Variants in NPAS3 observed in about 807,000 individuals in gnomAD.
NPAS3 encodes the protein neuronal PAS domain protein 3, also known as neuronal PAS domain-containing protein 3.
In NPAS3, 14 loss-of-function variants were observed where a neutral mutation model predicts 73.1. The ratio of observed to expected loss-of-function variants is 0.19; its 90% confidence interval spans 0.13 to 0.30. NPAS3 has a LOEUF of 0.30. Among genes scored for constraint, NPAS3 ranks in the 10% least tolerant of loss-of-function variants. The pLI, the probability that NPAS3 is intolerant of heterozygous loss-of-function variation, is 1.00. For missense variants in NPAS3, 1,096 were observed against 1,250.0 expected (o/e 0.88, Z 1.86); for synonymous variants, 620 against 541.5 (o/e 1.14, Z -2.01).
At chr14:33,236,667 A>G (rs981869531) in intron 3 of NPAS3, among the ~76,000 whole-genome samples, 1 of 151,800 alleles carries the variant, frequency 6.6e-6, no homozygotes, top group East Asian at 1.9e-4. Flanking sequence ...TTTGAAGTCA[A>G]CTCCCTGTGA....
intron 5 of NPAS3, among the ~76,000 whole-genome samples, chr14:33,598,070 T>G (rs1015255595): frequency 6.6e-6 from 1 of 152,176 alleles, no homozygotes; most frequent in Non-Finnish European, 1.5e-5. Context: ...ATTTCATGAG[T>G]GGATAGGAAG....
At chr14:33,254,987 C>G (rs1352690524) in intron 3 of NPAS3, among the ~76,000 whole-genome samples, 2 of 152,072 alleles carry the variant, frequency 1.3e-5, no homozygotes, top group East Asian at 3.9e-4. Context: ...TGCAGACTGA[C>G]CCAGTCTTAC....
chr14:33,648,616 G>A lies in NPAS3; in HGVS notation c.559-27595G>A, dbSNP rs548075803. ...TGCCATAGTTTGGCTTACAGGGACA[G>A]CACAAAAAGTATTTCTATCCTCTGG... On this transcript the variant is annotated intron_variant, in intron 5 of 11. Transcript: ENST00000356141. Among the ~76,000 whole-genome samples, 4 of 152,272 alleles carry A rather than the reference G, an allele frequency of 2.6e-5. No homozygotes were observed. In the East Asian group the frequency reaches 5.8e-4, roughly 22 times the overall value.
rs924908449 is a variant in NPAS3, at chr14:33,107,382, C to T, written c.140+51388C>T. Among the ~76,000 whole-genome samples the T allele has an allele frequency of 2.7e-4, 41 of 151,630 alleles. 2 individuals carry two copies. Among genetic ancestry groups the T allele is most frequent in the Admixed American group, 2.2e-3 (33 of 15,206 alleles). On this transcript the variant is annotated intron_variant, in intron 2 of 11. Coordinates refer to ENST00000356141, the Ensembl canonical transcript of NPAS3. ...GGTAGTGAGCATAGTACTCAACAGG[C>T]GGTTTTTCAACCCTTACCCTCTTCC...
At chr14:33,671,894 A>G (rs2059618945) in intron 5 of NPAS3, among the ~76,000 whole-genome samples, 1 of 152,128 alleles carries the variant, frequency 6.6e-6, no homozygotes, top group Admixed American at 6.5e-5. Flanking sequence ...ATTTGCACTA[A>G]TCAGAAGAAC....
intron 1 of NPAS3, among the ~76,000 whole-genome samples, chr14:33,002,092 C>T (rs544102862): frequency 1.3e-5 from 2 of 152,328 alleles, no homozygotes; most frequent in East Asian, 3.9e-4. Context: ...AACACATTGT[C>T]TCCCAGTAAT....
At chr14:33,660,860 C>A (rs2059284955) in intron 5 of NPAS3, among the ~76,000 whole-genome samples, 1 of 152,154 alleles carries the variant, frequency 6.6e-6, no homozygotes, top group Non-Finnish European at 1.5e-5. Context: ...TACCAGCAAG[C>A]CCAGGACTTC....
intron 1 of NPAS3, among the ~76,000 whole-genome samples, chr14:32,944,150 T>C (rs925821123): frequency 1.2e-4 from 19 of 152,242 alleles, no homozygotes; most frequent in African/African-American, 4.1e-4. Context: ...CTATGTCTTA[T>C]GCAAAATGTC....
At chr14:33,694,225 A>T (rs1003341455) in intron 6 of NPAS3, among the ~76,000 whole-genome samples, 1 of 152,144 alleles carries the variant, frequency 6.6e-6, no homozygotes, top group Admixed American at 6.6e-5. Flanking sequence ...CAACTTGATT[A>T]AAAAAAGTTT....
chr14:33,337,562 A>G (rs1010145462), intron 3 of NPAS3, among the ~76,000 whole-genome samples: 1 of 151,890 alleles, frequency 6.6e-6, no homozygotes, highest in African/African-American at 2.4e-5. Flanking sequence ...TGCTTTCACT[A>G]TTCTAGATTA....
chr14:33,254,302 C>A (rs540271345), intron 3 of NPAS3, among the ~76,000 whole-genome samples: 129 of 152,198 alleles, frequency 8.5e-4, no homozygotes, highest in Middle Eastern at 3.4e-3. Flanking sequence ...CTGGCCTTAA[C>A]ACACTTCTCG....
intron 3 of NPAS3, among the ~76,000 whole-genome samples, chr14:33,271,691 C>T (rs2041090962): frequency 6.6e-6 from 1 of 152,026 alleles, no homozygotes; most frequent in African/African-American, 2.4e-5. Flanking sequence ...CTTGCTCTAC[C>T]ATCTGGTTCC....
chr14:33,184,109 C>G (rs370663346), intron 2 of NPAS3, among the ~76,000 whole-genome samples: 1 of 152,138 alleles, frequency 6.6e-6, no homozygotes, highest in African/African-American at 2.4e-5. Context: ...CCAGTTTATA[C>G]CGTAGTCAGG....
intron 3 of NPAS3, among the ~76,000 whole-genome samples, chr14:33,343,880 T>C (rs945911178): frequency 6.6e-6 from 1 of 152,164 alleles, no homozygotes; most frequent in African/African-American, 2.4e-5. Flanking sequence ...CCTCAGTGCA[T>C]TGTCTTTTCC....
chr14:33,795,571 C>T (rs552093442), intron 10 of NPAS3, among the ~76,000 whole-genome samples: 55 of 152,272 alleles, frequency 3.6e-4, no homozygotes, highest in Admixed American at 4.6e-4. Context: ...AAGAATTAAA[C>T]GCTGGAAACA....
At chr14:33,078,596 G>A (rs1405208191) in intron 2 of NPAS3, among the ~76,000 whole-genome samples, 1 of 151,128 alleles carries the variant, frequency 6.6e-6, no homozygotes, top group Non-Finnish European at 1.5e-5. Context: ...ACAGTAGAAA[G>A]TCAGGTATCA....
intron 3 of NPAS3, among the ~76,000 whole-genome samples, chr14:33,252,850 A>G (rs556814484): frequency 6.6e-6 from 1 of 151,704 alleles, no homozygotes; most frequent in South Asian, 2.1e-4. Context: ...GTTTATATGT[A>G]CCCATTGTTT....
chr14:33,629,351 A>G (rs1283827278), intron 5 of NPAS3, among the ~76,000 whole-genome samples: 3 of 152,210 alleles, frequency 2.0e-5, no homozygotes, highest in Admixed American at 6.5e-5. Context: ...AGAAAGAGAA[A>G]TAAGTGAGGA....
chr14:33,803,562 T>G (rs545684270), downstream of NPAS3: 1 of 152,192 alleles, frequency 6.6e-6, no homozygotes, highest in Non-Finnish European at 1.5e-5. Flanking sequence ...ATCAAAGGAA[T>G]GCACCTATCA....
Sources: gnomAD v4.1 joint callset for allele counts (sites outside exome capture counted in the v4.1 genomes callset) on GRCh38, gnomAD v4.1.1 for gene constraint, MANE v1.5 for transcripts, NCBI Gene and HGNC (gene_info 2026-07-23, HGNC 2026-07-21) for gene names.